Variants in DNER observed in about 807,000 individuals in gnomAD.
DNER encodes delta/notch like EGF repeat containing.
Under a neutral mutation model 78.2 loss-of-function variants are expected in DNER, and 33 were observed. The observed-to-expected ratio is 0.42, with a 90% CI of 0.32 to 0.56. The LOEUF (loss-of-function observed/expected upper bound fraction) is 0.56. Among genes scored for constraint, DNER ranks in the 20% least tolerant of loss-of-function variants. The pLI is 0.11. For missense variants in DNER, 918 were observed against 975.3 expected (o/e 0.94, Z 0.78); for synonymous variants, 417 against 384.8 (o/e 1.08, Z -0.98).
intron 10 of DNER, among the ~76,000 whole-genome samples, chr2:229,395,473 G>A (rs1693115545): frequency 6.6e-6 from 1 of 152,196 alleles, no homozygotes; most frequent in Admixed American, 6.5e-5. Context: ...GTCCAATCCT[G>A]TAGTGTTTCC....
intron 1 of DNER, among the ~76,000 whole-genome samples, chr2:229,634,639 A>C (rs1698497265): frequency 6.6e-6 from 1 of 152,214 alleles, no homozygotes; most frequent in African/African-American, 2.4e-5. Context: ...TTCTTAAAAA[A>C]AATAGATTGG....
intron 11 of DNER, among the ~76,000 whole-genome samples, chr2:229,381,939 G>C (rs1194286783): frequency 1.3e-5 from 2 of 152,196 alleles, no homozygotes; most frequent in Non-Finnish European, 2.9e-5. Context: ...TAAAGGACAG[G>C]CTGCCTCCTC....
chr2:229,407,308 G>A lies in DNER; in HGVS notation c.1647C>T (p.Asn549=), dbSNP rs753339397. ...AGGTGGCTCCGTTCAGACAGCTGAC[G>A]TTAGCGCAGGGATCCTTGTACAATT... ...HCELYKDPCA[N]VSCLNGATCD... The change falls in exon 10 of 13, where the codon AAC becomes AAT. Residue 549 remains asparagine (N), a synonymous_variant. Transcript: ENST00000341772. The A allele has an allele frequency of 9.3e-6, 15 of 1,613,984 alleles. No homozygotes were observed. The Admixed American group carries it at 1.0e-4, about 11-fold the overall frequency.
chr2:229,536,245 A>G (rs1342852863), intron 5 of DNER, among the ~76,000 whole-genome samples: 2 of 152,234 alleles, frequency 1.3e-5, no homozygotes, highest in Non-Finnish European at 2.9e-5. Context: ...TAGGCCTCAG[A>G]TAAGCAGGGA....
intron 8 of DNER, 24 bp downstream of exon 8, chr2:229,447,292 G>A (rs1694359549): frequency 6.4e-7 from 1 of 1,555,572 alleles, no homozygotes; most frequent in Non-Finnish European, 8.7e-7. Context: ...AAAGGAAGAT[G>A]TACTGTGTAG....
rs192269189 is a variant in DNER at position 229,418,098 on chromosome 2, G to A, written c.1609+10C>T. 27 of 1,614,082 alleles carry A rather than the reference G, an allele frequency of 1.7e-5. No individual in the cohort carries two copies. Among genetic ancestry groups the A allele is most frequent in the African/African-American group, 1.6e-4 (12 of 75,040 alleles). ...CCATTCTGGCACAGGAAGGCCAGGC[G>A]GCCTCTCACCTTTGTATTCTGCCAG... On this transcript the variant is annotated intron_variant, in intron 9 of 12. Coordinates refer to ENST00000341772, the MANE Select transcript of DNER (RefSeq NM_139072.4).
chr2:229,600,397 G>A (rs973046465), intron 1 of DNER, among the ~76,000 whole-genome samples: 1 of 152,162 alleles, frequency 6.6e-6, no homozygotes, highest in Non-Finnish European at 1.5e-5. Context: ...TCACAAAAGA[G>A]GGAAAACAGG....
chr2:229,697,946 T>C (rs1699687100), intron 1 of DNER, among the ~76,000 whole-genome samples: 1 of 152,058 alleles, frequency 6.6e-6, no homozygotes, highest in Admixed American at 6.5e-5. Flanking sequence ...TCCTAACACT[T>C]TGGGAGGCCA....
chr2:229,619,741 A>C (rs1698222059), intron 1 of DNER, among the ~76,000 whole-genome samples: 2 of 152,260 alleles, frequency 1.3e-5, no homozygotes. Flanking sequence ...AAACTCATTT[A>C]AAGTAATTTA....
intron 9 of DNER, 137 bp downstream of exon 9, chr2:229,417,971 T>C: frequency 7.0e-7 from 1 of 1,423,182 alleles, no homozygotes; most frequent in Admixed American, 2.0e-5. Flanking sequence ...CTTGGACCGA[T>C]TAATCATGCC....
intron 3 of DNER, 64 bp downstream of exon 3, chr2:229,588,330 G>T: frequency 6.6e-7 from 1 of 1,505,728 alleles, no homozygotes; most frequent in Non-Finnish European, 9.2e-7. Context: ...TCCGCGGATG[G>T]ACACAACCCC....
At chr2:229,576,876 CCACAGGGTT>C (rs1331492795) in intron 4 of DNER, among the ~76,000 whole-genome samples, 2 of 152,064 alleles carry the variant, frequency 1.3e-5, no homozygotes, top group African/African-American at 4.8e-5. Flanking sequence ...GCAAGCCAAA[CCACAGGGTT>C]CAGAGGCAGG....
At chr2:229,442,101 G>A (rs115218889) in intron 8 of DNER, among the ~76,000 whole-genome samples, 3,071 of 152,278 alleles carry the variant, frequency 0.02, 45 homozygotes, top group Admixed American at 0.031. Context: ...TACAGAAAAG[G>A]AAGGACATGA....
chr2:229,589,439 C>T (rs1422249528), intron 2 of DNER, among the ~76,000 whole-genome samples: 1 of 152,196 alleles, frequency 6.6e-6, no homozygotes, highest in Non-Finnish European at 1.5e-5. Context: ...ACCCAAGCCT[C>T]TAAGTCTCCA....
At chr2:229,474,043 T>G (rs1470424689) in intron 7 of DNER, among the ~76,000 whole-genome samples, 1 of 152,172 alleles carries the variant, frequency 6.6e-6, no homozygotes, top group Non-Finnish European at 1.5e-5. Flanking sequence ...GTAGCTGGGA[T>G]TACAGGTGTG....
intron 1 of DNER, among the ~76,000 whole-genome samples, chr2:229,635,507 A>G (rs970598521): frequency 2.6e-5 from 4 of 152,318 alleles, no homozygotes; most frequent in African/African-American, 7.2e-5. Context: ...TATTGACACA[A>G]GTCTCAATGT....
chr2:229,377,098 C>T (rs893598024), intron 11 of DNER, among the ~76,000 whole-genome samples: 46 of 152,068 alleles, frequency 3.0e-4, no homozygotes, highest in Admixed American at 2.3e-3. Flanking sequence ...TTCAAACCTG[C>T]CCTCAGATTA....
rs527487219 is a variant in DNER at position 229,431,793 on chromosome 2, A to T, written c.1487-13563T>A. On this transcript the variant is annotated intron_variant, in intron 8 of 12. Coordinates refer to ENST00000341772, the MANE Select transcript of DNER (RefSeq NM_139072.4). ...TAAAACTTAAAGTATAATAATAATT[A>T]AAAAAAAAGAAAAAAAAGATGTCTT... Among the ~76,000 whole-genome samples, 75 of 135,106 alleles carry T rather than the reference A, an allele frequency of 5.6e-4. 1 individual carries two copies. In the Middle Eastern group the frequency reaches 0.02, roughly 36 times the overall value. 88.6% of individuals were successfully genotyped at this position (135,106 alleles called of 152,430 possible).
chr2:229,552,135 G>A (rs898552005), intron 4 of DNER, among the ~76,000 whole-genome samples: 2 of 152,162 alleles, frequency 1.3e-5, no homozygotes, highest in Admixed American at 6.5e-5. Flanking sequence ...AGAAGGCTGT[G>A]AAGAGCCTCT....
Sources: allele counts gnomAD v4.1 joint callset (sites outside exome capture counted in the v4.1 genomes callset), GRCh38; gene constraint gnomAD v4.1.1; transcripts MANE v1.5; gene names NCBI Gene and HGNC (gene_info 2026-07-23, HGNC 2026-07-21).